CCDC6: variants seen among roughly 807,000 people sequenced by gnomAD.
CCDC6 encodes the protein coiled-coil domain containing 6.
A neutral mutation model predicts 56.6 loss-of-function variants in CCDC6; 20 were observed. That is an observed-to-expected ratio of 0.35 (90% CI 0.25 to 0.51). CCDC6 has a LOEUF of 0.51. Ranked by LOEUF, CCDC6 falls within the 20% of genes least tolerant of loss-of-function variation. CCDC6 has a pLI of 0.95. For missense variants in CCDC6, 367 were observed against 601.1 expected (o/e 0.61, Z 4.07); for synonymous variants, 241 against 234.4 (o/e 1.03, Z -0.26).
chr10:59,847,045 G>A (rs569318360), intron 2 of CCDC6, among the ~76,000 whole-genome samples: 3 of 138,698 alleles, frequency 2.2e-5, no homozygotes, highest in African/African-American at 9.0e-5. Flanking sequence ...AGTTTGCCAG[G>A]GGAATTAGAA....
chr10:59,897,331 G>A (rs1037100579), intron 1 of CCDC6, among the ~76,000 whole-genome samples: 5 of 151,422 alleles, frequency 3.3e-5, no homozygotes, highest in African/African-American at 4.9e-5. Context: ...TCGGCTCACC[G>A]CAACCTCCAC....
intron 1 of CCDC6, among the ~76,000 whole-genome samples, chr10:59,854,888 G>A (rs964367871): frequency 2.0e-5 from 3 of 152,248 alleles, no homozygotes; most frequent in Non-Finnish European, 4.4e-5. Context: ...AGAACAGAAA[G>A]GCTGAGAGGA....
chr10:59,811,349 T>A (rs187491560), intron 5 of CCDC6, among the ~76,000 whole-genome samples: 19 of 152,302 alleles, frequency 1.2e-4, no homozygotes, highest in Non-Finnish European at 2.5e-4. Context: ...ACATTCCATG[T>A]GGCCCAACAA....
intron 3 of CCDC6, among the ~76,000 whole-genome samples, chr10:59,824,836 T>C (rs2070774945): frequency 1.3e-5 from 2 of 152,202 alleles, no homozygotes; most frequent in Non-Finnish European, 2.9e-5. Flanking sequence ...AATGCAAACG[T>C]TTGATTTGAA....
chr10:59,896,223 A>C (rs952123519), intron 1 of CCDC6, among the ~76,000 whole-genome samples: 2 of 152,362 alleles, frequency 1.3e-5, no homozygotes, highest in South Asian at 4.1e-4. Context: ...GCTATCAAGG[A>C]AATTAAATGC....
intron 1 of CCDC6, among the ~76,000 whole-genome samples, chr10:59,895,491 T>C (rs986653561): frequency 1.3e-5 from 2 of 152,148 alleles, no homozygotes; most frequent in African/African-American, 4.8e-5. Context: ...GGATAAACAG[T>C]AGTACTGATC....
At chr10:59,832,790 T>C in intron 2 of CCDC6, 137 bp from the exon 3 acceptor site, 1 of 736,340 alleles carries the variant, frequency 1.4e-6, no homozygotes, top group Non-Finnish European at 2.2e-6. Flanking sequence ...TGTGCAAGTA[T>C]ATACCTAGTA....
chr10:59,797,683 TTGTGTGTG>T (rs72280811), intron 7 of CCDC6, among the ~76,000 whole-genome samples: 33 of 140,618 alleles, frequency 2.3e-4, no homozygotes, highest in Admixed American at 6.5e-4. Context: ...AGTGAGAGTG[TTGTGTGTG>T]TGTGTGTGTG....
At chr10:59,875,944 C>T (rs2071274868) in intron 1 of CCDC6, among the ~76,000 whole-genome samples, 1 of 152,020 alleles carries the variant, frequency 6.6e-6, no homozygotes, top group Non-Finnish European at 1.5e-5. Flanking sequence ...AGACTATATA[C>T]TCCTATCAAA....
chr10:59,843,596 C>T (rs548281762), intron 2 of CCDC6, among the ~76,000 whole-genome samples: 38 of 152,306 alleles, frequency 2.5e-4, no homozygotes, highest in Admixed American at 9.1e-4. Context: ...TAGTCACTTA[C>T]ATTCATGGAA....
chr10:59,862,268 C>T (rs541298810), intron 1 of CCDC6, among the ~76,000 whole-genome samples: 26 of 151,818 alleles, frequency 1.7e-4, no homozygotes, highest in Non-Finnish European at 2.6e-4. Flanking sequence ...AGGTGGATCA[C>T]CTGAGGACAG....
chr10:59,833,005 A>G (rs1334498787), intron 2 of CCDC6, among the ~76,000 whole-genome samples: 1 of 152,264 alleles, frequency 6.6e-6, no homozygotes, highest in African/African-American at 2.4e-5. Flanking sequence ...ATGTAGACAG[A>G]GATGTCAAAA....
intron 1 of CCDC6, among the ~76,000 whole-genome samples, chr10:59,871,113 CAAG>C (rs1187118948): frequency 6.6e-6 from 1 of 152,024 alleles, no homozygotes; most frequent in African/African-American, 2.4e-5. Context: ...TTTTATTTAA[CAAG>C]AATATATAAA....
intron 1 of CCDC6, among the ~76,000 whole-genome samples, chr10:59,862,520 C>T (rs867520192): frequency 0.063 from 4,817 of 76,218 alleles, 595 homozygotes; most frequent in African/African-American, 0.3. Flanking sequence ...TATATATACA[C>T]ACACACACAC....
chr10:59,841,825 G>C (rs969923207), intron 2 of CCDC6, among the ~76,000 whole-genome samples: 1 of 148,714 alleles, frequency 6.7e-6, no homozygotes, highest in East Asian at 2.1e-4. Flanking sequence ...CTACAACCAC[G>C]CCCGGCTAAT....
chr10:59,796,543 C>T (rs906770992), intron 7 of CCDC6, among the ~76,000 whole-genome samples: 1 of 152,100 alleles, frequency 6.6e-6, no homozygotes, highest in African/African-American at 2.4e-5. Flanking sequence ...GAAAATGCCT[C>T]AAAAGATTAA....
At chr10:59,900,502 T>C (rs2071497576) in intron 1 of CCDC6, among the ~76,000 whole-genome samples, 1 of 152,084 alleles carries the variant, frequency 6.6e-6, no homozygotes, top group African/African-American at 2.4e-5. Context: ...GCTAAACGCA[T>C]GTAAGAGGTG....
intron 1 of CCDC6, among the ~76,000 whole-genome samples, chr10:59,853,385 T>G (rs1010702880): frequency 1.4e-4 from 22 of 151,962 alleles, no homozygotes; most frequent in African/African-American, 5.1e-4. Flanking sequence ...ATACAAAAAA[T>G]TAGTCAGGCA....
rs1440619118 is a variant in CCDC6 at position 59,884,802 on chromosome 10, G to A, written c.303+21320C>T. On this transcript the variant is annotated intron_variant, in intron 1 of 8. Coordinates refer to ENST00000263102, the MANE Select transcript of CCDC6 (RefSeq NM_005436.5). ...AAGGTGGCCCGGTGCAGTGGGTCAT[G>A]CCTATAATCCCAGCACTTTGGGAGG... Among the ~76,000 whole-genome samples, 5 of 152,314 alleles carry A rather than the reference G, an allele frequency of 3.3e-5. 1 individual carries two copies. In the South Asian group the frequency reaches 1.0e-3, roughly 32 times the overall value.
Sources: allele counts gnomAD v4.1 joint callset (sites outside exome capture counted in the v4.1 genomes callset), GRCh38; gene constraint gnomAD v4.1.1; transcripts MANE v1.5; gene names NCBI Gene and HGNC (gene_info 2026-07-23, HGNC 2026-07-21).